The following PCDH11X variants were observed in gnomAD, a reference collection of about 807,000 sequenced individuals.
PCDH11X encodes protocadherin-11 X-linked.
Under a neutral mutation model 53.3 loss-of-function variants are expected in PCDH11X, and 18 were observed. The observed-to-expected ratio is 0.34, with a 90% confidence interval of 0.23 to 0.50. PCDH11X has a LOEUF of 0.50. Ranked by LOEUF, PCDH11X falls within the 20% of genes least tolerant of loss-of-function variation. The pLI is 0.98. For synonymous variants in PCDH11X, 279 were observed against 393.3 expected (o/e 0.71, Z 3.44); for missense variants, 570 against 1,032.4 (o/e 0.55, Z 6.14).
rs886767296 is a variant in PCDH11X, at chrX:92,603,852, A to G, written c.3368-14412A>G. On this transcript the variant is annotated intron_variant, in intron 10 of 10. Transcript: ENST00000682573. ...CACAATATTGGCAGTAAAAGCAATT[A>G]TGTAGGTAAATGTAAAAGACAGTAT... Among the ~76,000 whole-genome samples the G allele has an allele frequency of 8.6e-5, 9 of 105,049 alleles. No individual in the cohort carries two copies. The Admixed American group carries it at 9.4e-4, about 11-fold the overall frequency. The allele number at this position is 105,049 out of a possible 115,157, so 91.2% of individuals were successfully genotyped here.
At chrX:91,967,003 CCCAATGTGTGTTGTTCCCATTTCTGTGT>C (rs2061874479) in intron 6 of PCDH11X, among the ~76,000 whole-genome samples, 1 of 87,601 alleles carries the variant, frequency 1.1e-5, no homozygotes, top group Admixed American at 1.3e-4. Flanking sequence ...CCCGACTGGC[CCCAATGTGTGTTGTTCCCATTTCTGTGT>C]CCATGTGTTC....
At chrX:92,603,624 C>T (rs1312646119) in intron 10 of PCDH11X, among the ~76,000 whole-genome samples, 2 of 102,210 alleles carry the variant, frequency 2.0e-5, no homozygotes, top group East Asian at 3.0e-4. Context: ...AACAAAGAGT[C>T]GTAAGAAAAA....
intron 5 of PCDH11X, among the ~76,000 whole-genome samples, chrX:91,873,407 C>T (rs1232047279): frequency 2.7e-5 from 3 of 110,624 alleles, no homozygotes; most frequent in African/African-American, 9.8e-5. Flanking sequence ...GGGCTAATTA[C>T]CATCATATTG....
chrX:92,227,754 T>C (rs2066996047), intron 7 of PCDH11X, among the ~76,000 whole-genome samples: 1 of 111,068 alleles, frequency 9.0e-6, no homozygotes, highest in Non-Finnish European at 1.9e-5. Flanking sequence ...TATAATGTAG[T>C]CACTATAAAG....
intron 6 of PCDH11X, among the ~76,000 whole-genome samples, chrX:92,019,442 TA>T (rs1288107052): frequency 9.0e-6 from 1 of 110,907 alleles, no homozygotes; most frequent in Non-Finnish European, 1.9e-5. Flanking sequence ...GCATATACTC[TA>T]AAATCAACCG....
At chrX:92,551,954 AG>A (rs1159120542) in intron 10 of PCDH11X, among the ~76,000 whole-genome samples, 1 of 89,080 alleles carries the variant, frequency 1.1e-5, no homozygotes, top group African/African-American at 4.0e-5. Flanking sequence ...ATAGCAGTGT[AG>A]TATAATTTGA....
At chrX:92,075,249 G>C (rs1397470178) in intron 6 of PCDH11X, among the ~76,000 whole-genome samples, 1 of 110,746 alleles carries the variant, frequency 9.0e-6, no homozygotes, top group African/African-American at 3.3e-5. Flanking sequence ...CCGTAGGTCA[G>C]TGGGTCTCTG....
intron 6 of PCDH11X, among the ~76,000 whole-genome samples, chrX:92,186,303 A>C: frequency 8.9e-6 from 1 of 112,034 alleles, no homozygotes; most frequent in East Asian, 2.8e-4. Context: ...ATGTGGGAGC[A>C]AACAAAGTTG....
chrX:92,360,727 G>C (rs1255783725), intron 8 of PCDH11X, among the ~76,000 whole-genome samples: 2 of 110,605 alleles, frequency 1.8e-5, no homozygotes, highest in Admixed American at 9.7e-5. Context: ...TCTACTTAGT[G>C]TCTATATGCT....
At chrX:92,568,126 C>G (rs1440906637) in intron 10 of PCDH11X, among the ~76,000 whole-genome samples, 1 of 109,323 alleles carries the variant, frequency 9.1e-6, no homozygotes, top group African/African-American at 3.3e-5. Context: ...CAATACACTA[C>G]AAAAATTTTC....
chrX:92,403,339 G>GTTTTTTTTTTTTTTTTTTTTTTTTT (rs1191277649), intron 9 of PCDH11X, among the ~76,000 whole-genome samples: 3 of 49,363 alleles, frequency 6.1e-5, no homozygotes, highest in African/African-American at 1.7e-4. Flanking sequence ...GTTTTTTTTT[G>GTTTTTTTTTTTTTTTTTTTTTTTTT]TTTTTTTTTT....
chrX:92,436,425 A>G (rs2072375732), intron 9 of PCDH11X, among the ~76,000 whole-genome samples: 1 of 112,065 alleles, frequency 8.9e-6, no homozygotes, highest in South Asian at 3.7e-4. Flanking sequence ...GAAATTCCTC[A>G]AAGAGTTAAA....
chrX:92,119,319 C>G (rs1342938963), intron 6 of PCDH11X, among the ~76,000 whole-genome samples: 1 of 110,560 alleles, frequency 9.0e-6, no homozygotes, highest in East Asian at 2.9e-4. Context: ...GTTGCCCATA[C>G]TGGTCTCCAA....
chrX:92,009,735 C>T (rs1246202759), intron 6 of PCDH11X, among the ~76,000 whole-genome samples: 2 of 83,578 alleles, frequency 2.4e-5, no homozygotes, highest in African/African-American at 9.4e-5. Context: ...ACGGAGTCAT[C>T]TCTCTCTCCC....
intron 6 of PCDH11X, among the ~76,000 whole-genome samples, chrX:92,058,935 A>C (rs761601773): frequency 9.0e-6 from 1 of 111,550 alleles, no homozygotes; most frequent in East Asian, 2.8e-4. Flanking sequence ...TACACTGGTC[A>C]TTAACAGTGG....
chrX:92,025,972 C>T (rs2062964147), intron 6 of PCDH11X, among the ~76,000 whole-genome samples: 1 of 110,863 alleles, frequency 9.0e-6, no homozygotes, highest in African/African-American at 3.3e-5. Context: ...CGCGTGTTCT[C>T]ACCTGTAAGT....
At chrX:92,602,213 G>A (rs1926308245) in intron 10 of PCDH11X, among the ~76,000 whole-genome samples, 1 of 111,334 alleles carries the variant, frequency 9.0e-6, no homozygotes, top group Non-Finnish European at 1.9e-5. Context: ...AAAGTATGGG[G>A]GAAGTTCAAG....
At chrX:92,193,926 A>G (rs1438763772) in intron 6 of PCDH11X, among the ~76,000 whole-genome samples, 1 of 111,976 alleles carries the variant, frequency 8.9e-6, no homozygotes, top group Admixed American at 9.5e-5. Flanking sequence ...AAAATATTGG[A>G]AAATGCACAA....
chrX:92,390,201 A>G (rs1297030810), intron 9 of PCDH11X, among the ~76,000 whole-genome samples: 2 of 110,147 alleles, frequency 1.8e-5, no homozygotes, highest in Non-Finnish European at 3.8e-5. Flanking sequence ...CTGCTCTCCT[A>G]CTAAATGTGA....
Sources: gnomAD v4.1 joint callset for allele counts (sites outside exome capture counted in the v4.1 genomes callset) on GRCh38, gnomAD v4.1.1 for gene constraint, MANE v1.5 for transcripts, NCBI Gene and HGNC (gene_info 2026-07-23, HGNC 2026-07-21) for gene names.